MET: variants seen among roughly 807,000 people sequenced by gnomAD.
MET encodes MET proto-oncogene, receptor tyrosine kinase.
In MET, 48 loss-of-function variants were observed where a neutral mutation model predicts 133.1. That is an observed-to-expected ratio of 0.36 (90% CI 0.29 to 0.46). The LOEUF (loss-of-function observed/expected upper bound fraction) is 0.46, where lower values mean the gene tolerates loss of function less well. Among genes scored for constraint, MET ranks in the 20% least tolerant of loss-of-function variants. MET has a pLI of 1.00. For synonymous variants in MET, 628 were observed against 616.5 expected (o/e 1.02, Z -0.28); for missense variants, 1,442 against 1,695.9 (o/e 0.85, Z 2.63).
chr7:116,778,086 A>G (rs1027160520), intron 16 of MET, among the ~76,000 whole-genome samples: 4 of 152,212 alleles, frequency 2.6e-5, no homozygotes, highest in African/African-American at 7.2e-5. Flanking sequence ...GATGAAATGC[A>G]TACTCTGTTT....
chr7:116,793,589 C>T (rs948795817), intron 19 of MET, among the ~76,000 whole-genome samples: 2 of 152,022 alleles, frequency 1.3e-5, no homozygotes, highest in Non-Finnish European at 2.9e-5. Flanking sequence ...AACTATTATA[C>T]TTTATGGTTT....
chr7:116,728,116 C>T (rs1338104840), intron 2 of MET, among the ~76,000 whole-genome samples: 1 of 152,190 alleles, frequency 6.6e-6, no homozygotes, highest in African/African-American at 2.4e-5. Context: ...CTCAACACCT[C>T]TTCTGCAGAT....
intron 5 of MET, among the ~76,000 whole-genome samples, chr7:116,741,677 T>G (rs1793459873): frequency 6.6e-6 from 1 of 152,194 alleles, no homozygotes; most frequent in Non-Finnish European, 1.5e-5. Flanking sequence ...CTGTGAGTCT[T>G]CCTTCAGTGT....
intron 1 of MET, among the ~76,000 whole-genome samples, chr7:116,692,628 A>C (rs1307141797): frequency 6.6e-6 from 1 of 152,206 alleles, no homozygotes; most frequent in Non-Finnish European, 1.5e-5. Context: ...GCTGGTTTTA[A>C]AGGTAGGCTG....
rs1301383613 is a variant in MET at position 116,795,797 on chromosome 7, T to G, written c.3935+6T>G. 6.2e-7 allele frequency: 1 copy of G among 1,614,216 alleles called. No homozygotes were observed. On this transcript the variant is annotated splice_donor_region_variant and intron_variant, in intron 20 of 20. Transcript: ENST00000397752. Reference sequence around the variant, plus strand: ...GAATACTGCCCAGACCCCTTGTAAGTAGTCTTTCTGTACCTCTTACGTTCT... The same window carrying G: ...GAATACTGCCCAGACCCCTTGTAAGGAGTCTTTCTGTACCTCTTACGTTCT...
intron 3 of MET, among the ~76,000 whole-genome samples, chr7:116,736,232 T>C (rs1001163976): frequency 3.3e-5 from 5 of 151,866 alleles, no homozygotes; most frequent in African/African-American, 9.7e-5. Context: ...GGAAAACCTA[T>C]AGAGATAGAA....
chr7:116,707,459 C>T (rs1448931895), intron 2 of MET, among the ~76,000 whole-genome samples: 3 of 152,104 alleles, frequency 2.0e-5, no homozygotes, highest in African/African-American at 7.2e-5. Flanking sequence ...GTAAACCATT[C>T]TCTTCGAAGG....
At chr7:116,731,894 A>G (rs1793023897) in intron 3 of MET, 35 bp downstream of exon 3, 2 of 1,601,492 alleles carry the variant, frequency 1.2e-6, no homozygotes, top group Admixed American at 1.7e-5. Flanking sequence ...TGTCTGTTCT[A>G]TCTGGTATTG....
At chr7:116,677,414 A>G (rs1394231349) in intron 1 of MET, among the ~76,000 whole-genome samples, 1 of 152,228 alleles carries the variant, frequency 6.6e-6, no homozygotes, top group African/African-American at 2.4e-5. Flanking sequence ...TTCACTAGGG[A>G]TTGACAAACT....
At chr7:116,727,496 C>CCTTT (rs894857863) in intron 2 of MET, among the ~76,000 whole-genome samples, 2 of 152,066 alleles carry the variant, frequency 1.3e-5, no homozygotes, top group African/African-American at 4.8e-5. Context: ...TTCCTTCCTT[C>CCTTT]CTTTTTCCTC....
chr7:116,789,367 C>A (rs1005508459), intron 19 of MET, among the ~76,000 whole-genome samples: 2 of 152,176 alleles, frequency 1.3e-5, no homozygotes, highest in Admixed American at 1.3e-4. Context: ...TCCTGCCAAA[C>A]CCTCAATTTC....
rs530205043 is a variant in MET, at chr7:116,705,938, G to A, written c.1200+5654G>A. On this transcript the variant is annotated intron_variant, in intron 2 of 20. Transcript: ENST00000397752. ...AGATCACTGGGCACACCCTTGGGGT[G>A]TTAGAAAACATGTTACAAAATGAAC... Among the ~76,000 whole-genome samples the A allele has an allele frequency of 5.2e-4, 79 of 152,148 alleles. 2 individuals carry two copies. In the South Asian group the frequency reaches 0.016, roughly 31 times the overall value.
rs117066610 is a variant in MET, at chr7:116,710,137, C to T, written c.1200+9853C>T. Among the ~76,000 whole-genome samples the T allele has an allele frequency of 5.8e-3, 879 of 152,226 alleles. 8 individuals are homozygous for T. The highest frequency in any genetic ancestry group is 8.5e-3 in the Non-Finnish European group (580 of 68,018). On this transcript the variant is annotated intron_variant, in intron 2 of 20. Transcript: ENST00000397752. ...AAATAAATGAGCAATATTTCTTACT[C>T]TCAACTAAACTTACTCTCACTTTCA...
intron 5 of MET, among the ~76,000 whole-genome samples, chr7:116,749,769 T>C (rs776809301): frequency 6.6e-5 from 10 of 152,188 alleles, no homozygotes; most frequent in Non-Finnish European, 1.0e-4. Context: ...ATTCTCAGGA[T>C]ACAAAATCAA....
At chr7:116,713,414 AAAG>A (rs1792078572) in intron 2 of MET, among the ~76,000 whole-genome samples, 1 of 152,012 alleles carries the variant, frequency 6.6e-6, no homozygotes, top group African/African-American at 2.4e-5. Context: ...AAAAAAAGGA[AAAG>A]AAGTTAAGGG....
At chr7:116,778,569 A>G (rs564864821) in intron 16 of MET, among the ~76,000 whole-genome samples, 2 of 152,258 alleles carry the variant, frequency 1.3e-5, no homozygotes, top group South Asian at 4.1e-4. Flanking sequence ...TATCTTGCAA[A>G]AGTGGGCATA....
At chr7:116,781,064 A>T (rs879738827) in intron 17 of MET, among the ~76,000 whole-genome samples, 8 of 152,036 alleles carry the variant, frequency 5.3e-5, no homozygotes, top group Non-Finnish European at 7.4e-5. Context: ...AGGCTCTTAC[A>T]CTTTGGGCTA....
At chr7:116,752,796 A>G (rs1270383335) in intron 5 of MET, among the ~76,000 whole-genome samples, 1 of 152,102 alleles carries the variant, frequency 6.6e-6, no homozygotes, top group Non-Finnish European at 1.5e-5. Flanking sequence ...GACAGACTTC[A>G]GTTTTTACAT....
At chr7:116,775,423 G>T (rs965755299) in intron 15 of MET, among the ~76,000 whole-genome samples, 1 of 152,154 alleles carries the variant, frequency 6.6e-6, no homozygotes, top group East Asian at 1.9e-4. Context: ...AAAACTCAGG[G>T]CCAGGCGCAG....
Sources: allele counts gnomAD v4.1 joint callset (sites outside exome capture counted in the v4.1 genomes callset), GRCh38; gene constraint gnomAD v4.1.1; transcripts MANE v1.5; gene names NCBI Gene and HGNC (gene_info 2026-07-23, HGNC 2026-07-21).